DAB2IP: variants seen among roughly 807,000 people sequenced by gnomAD.
DAB2IP encodes the protein disabled homolog 2-interacting protein.
In DAB2IP, 28 loss-of-function variants were observed where a neutral mutation model predicts 107.2. The ratio of observed to expected loss-of-function variants is 0.26; its 90% CI spans 0.19 to 0.36. DAB2IP has a LOEUF of 0.36. Among genes scored for constraint, DAB2IP ranks in the 10% least tolerant of loss-of-function variants. DAB2IP has a pLI of 1.00. For synonymous variants in DAB2IP, 755 were observed against 706.4 expected, an observed-to-expected ratio of 1.07 and a Z score of -1.09; for missense variants, 1,400 against 1,644.7, an observed-to-expected ratio of 0.85 and a Z score of 2.57.
rs993331584 is a variant in DAB2IP at position 121,696,729 on chromosome 9, G to C, written c.229-2596G>C. 3.3e-5 allele frequency among the ~76,000 whole-genome samples: 5 copies of C among 152,282 alleles called. No homozygotes were observed. In the East Asian group the frequency reaches 5.8e-4, roughly 18 times the overall value. ...CCTGTAATACAGCCTTTGCATCTGAGTCCCCTTCTGGCAGTGGCTTTCCAA... is the reference window on the plus strand; with the variant it reads ...CCTGTAATACAGCCTTTGCATCTGACTCCCCTTCTGGCAGTGGCTTTCCAA... On this transcript the variant is annotated intron_variant, in intron 2 of 15. Transcript: ENST00000408936.
exon 16 of DAB2IP, chr9:121,783,031 G>T: frequency 9.7e-7 from 1 of 1,033,682 alleles, no homozygotes; most frequent in Non-Finnish European, 1.2e-6. Context: ...CACAGAGCAG[G>T]AGGTCAGTGT....
intron 1 of DAB2IP, among the ~76,000 whole-genome samples, chr9:121,608,425 T>C (rs1830962017): frequency 6.6e-6 from 1 of 152,162 alleles, no homozygotes. Flanking sequence ...GGTAGATTTT[T>C]AAGCAAAGCA....
intron 1 of DAB2IP, among the ~76,000 whole-genome samples, chr9:121,638,805 G>A (rs1489025449): frequency 5.3e-5 from 8 of 152,208 alleles, no homozygotes; most frequent in African/African-American, 1.9e-4. Context: ...TGTCAATGAA[G>A]GTGATGAGGT....
chr9:121,678,760 C>T (rs1396299534), exon 2 of DAB2IP: 16 of 1,596,288 alleles, frequency 1.0e-5, no homozygotes, highest in Admixed American at 3.4e-5. Flanking sequence ...AGCCCTCGGC[C>T]GCCACGCCGT....
At chr9:121,713,118 G>A (rs1830417539) in intron 3 of DAB2IP, among the ~76,000 whole-genome samples, 1 of 152,208 alleles carries the variant, frequency 6.6e-6, no homozygotes, top group Non-Finnish European at 1.5e-5. Flanking sequence ...TAGGAAGGTG[G>A]CAGGGCAGGG....
intron 1 of DAB2IP, among the ~76,000 whole-genome samples, chr9:121,665,915 T>C (rs1833400191): frequency 6.6e-6 from 1 of 152,238 alleles, no homozygotes; most frequent in Non-Finnish European, 1.5e-5. Flanking sequence ...AACTAGAATA[T>C]GTTGAGCCTG....
intron 6 of DAB2IP, among the ~76,000 whole-genome samples, chr9:121,763,169 A>G (rs1341987841): frequency 6.6e-6 from 1 of 152,168 alleles, no homozygotes; most frequent in African/African-American, 2.4e-5. Context: ...TCACCAGGCC[A>G]GGCCTGATCA....
chr9:121,720,781 C>T (rs1020988473), intron 3 of DAB2IP, among the ~76,000 whole-genome samples: 6 of 152,186 alleles, frequency 3.9e-5, no homozygotes, highest in African/African-American at 1.2e-4. Flanking sequence ...CTCAGGGCTC[C>T]ACCCAGCAGG....
rs150482022 is a variant in DAB2IP, at chr9:121,772,736, T to A, written c.2208T>A (p.Asp736Glu). 6.2e-7 allele frequency: 1 copy of A among 1,613,982 alleles called. No individual in the cohort carries two copies. The highest frequency in any genetic ancestry group is 1.1e-5 in the South Asian group (1 of 91,086). Residue 736 changes from aspartate to glutamate, a missense_variant, in exon 12 of 16, where the codon GAT becomes GAA. Physicochemically the swap from Asp to Glu is conservative, Grantham distance 45. Around this residue, in one of 3 missense-constraint regions of DAB2IP, gnomAD observed 600 missense variants for 659.1 expected, o/e 0.91. Transcript: ENST00000408936. This position sits in a 1 kb window ranked among gnomAD's most constrained non-coding sequence, Gnocchi z 4.7. Reference sequence around the variant, plus strand: ...GTTACTCGGAAGCCAACGAGCCTGATCTTCAGATGGCCAACGGTGGCAAGA... The same window carrying A: ...GTTACTCGGAAGCCAACGAGCCTGAACTTCAGATGGCCAACGGTGGCAAGA...
chr9:121,624,807 A>G (rs1292246283), intron 1 of DAB2IP, among the ~76,000 whole-genome samples: 3 of 152,190 alleles, frequency 2.0e-5, no homozygotes. Context: ...GTAACACACA[A>G]CTGTACCTAC....
intron 1 of DAB2IP, chr9:121,575,087 G>A (rs1331623626): frequency 6.6e-6 from 1 of 152,516 alleles, no homozygotes; most frequent in African/African-American, 2.4e-5. Flanking sequence ...TAAAGCTCAA[G>A]AGAGAAGAGT....
intron 13 of DAB2IP, among the ~76,000 whole-genome samples, chr9:121,775,727 CAG>C (rs1362144248): frequency 2.0e-5 from 3 of 152,194 alleles, no homozygotes; most frequent in Non-Finnish European, 4.4e-5. Flanking sequence ...TAGATTCAAA[CAG>C]AGGCTGGGAA....
In DAB2IP at chr9:121,768,387, G is replaced by A. The variant is rs140733730; in HGVS notation, c.1698-45G>A. On this transcript the variant is annotated intron_variant, in intron 9 of 15. Transcript: ENST00000408936. ...CCAGTGGAGGGAGTTCCTGGGCAGG[G>A]CCTGCCTGGGCCCAGTAGTGCTCAC... The A allele has an allele frequency of 7.5e-4, 1,213 of 1,607,254 alleles. 3 individuals carry two copies. Among genetic ancestry groups the A allele is most frequent in the African/African-American group, 6.1e-3 (457 of 74,870 alleles).
At chr9:121,569,403 G>C (rs1055567815) in intron 1 of DAB2IP, among the ~76,000 whole-genome samples, 1 of 152,206 alleles carries the variant, frequency 6.6e-6, no homozygotes, top group Non-Finnish European at 1.5e-5. Context: ...AATCCAGAAA[G>C]GCTTCCTGGC....
rs1407739705 is a variant in DAB2IP, at chr9:121,633,033, G to A, written c.41-45645G>A. The stretch of plus-strand genomic sequence containing the variant: ...TCTCCCAGACTGAGGGGTTCCAGCT[G>A]CTCCGGGCAGTGGGAGCCCACTGAT... On this transcript the variant is annotated intron_variant, in intron 1 of 16. Coordinates refer to the DAB2IP transcript ENST00000259371. The surrounding 1 kb of genome is among the most constrained non-coding windows in gnomAD (Gnocchi z 5.1). Among the ~76,000 whole-genome samples the A allele has an allele frequency of 6.6e-6, 1 of 152,230 alleles. No homozygotes were observed.
intron 3 of DAB2IP, among the ~76,000 whole-genome samples, chr9:121,708,365 C>T (rs2118767264): frequency 6.6e-6 from 1 of 152,330 alleles, no homozygotes. Context: ...CTCATTAAGG[C>T]TGTGATGCCT....
chr9:121,584,419 A>G (rs990627298), intron 1 of DAB2IP, among the ~76,000 whole-genome samples: 22 of 152,086 alleles, frequency 1.4e-4, no homozygotes, highest in African/African-American at 4.6e-4. Context: ...ACAAAAAAAA[A>G]AAAGTAAATA....
chr9:121,628,268 T>C (rs1354179631), intron 1 of DAB2IP, among the ~76,000 whole-genome samples: 4 of 152,114 alleles, frequency 2.6e-5, no homozygotes, highest in African/African-American at 4.8e-5. Context: ...TAGCCCCCCT[T>C]AGTCATCCTA....
intron 1 of DAB2IP, among the ~76,000 whole-genome samples, chr9:121,639,281 C>T (rs962541290): frequency 3.9e-5 from 6 of 152,194 alleles, no homozygotes; most frequent in Non-Finnish European, 7.3e-5. Flanking sequence ...TTTCTTCTAG[C>T]AGGTCTCTGC....
Sources: gnomAD v4.1 joint callset for allele counts (sites outside exome capture counted in the v4.1 genomes callset) on GRCh38, gnomAD v4.1.1 for gene constraint, gnomAD v4.1.1 regional missense constraint, Gnocchi (gnomAD v3.1) non-coding constraint, MANE v1.5 for transcripts, NCBI Gene and HGNC (gene_info 2026-07-23, HGNC 2026-07-21) for gene names.